PCDH15: variants seen among roughly 807,000 people sequenced by gnomAD.
PCDH15 encodes protocadherin-15.
In PCDH15, 129 loss-of-function variants were observed where a neutral mutation model predicts 178.5. The observed-to-expected ratio is 0.72, with a 90% CI of 0.63 to 0.84. PCDH15 has a LOEUF of 0.84. Among genes scored for constraint, PCDH15 ranks in the 40% least tolerant of loss-of-function variants. The pLI is 0.00. For missense variants in PCDH15, 2,230 were observed against 2,099.9 expected (o/e 1.06, Z -1.21); for synonymous variants, 800 against 732.0 (o/e 1.09, Z -1.50).
intron 1 of PCDH15, among the ~76,000 whole-genome samples, chr10:55,289,050 A>G (rs1307630556): frequency 6.6e-6 from 1 of 151,998 alleles, no homozygotes. Context: ...CCAACATAAA[A>G]CATAAAGTAC....
chr10:54,627,634 G>A (rs1383140365), intron 2 of PCDH15, among the ~76,000 whole-genome samples: 1 of 152,154 alleles, frequency 6.6e-6, no homozygotes, highest in Non-Finnish European at 1.5e-5. Flanking sequence ...TTTATCAGCA[G>A]TGTGAAAATG....
intron 2 of PCDH15, among the ~76,000 whole-genome samples, chr10:55,522,233 A>T (rs1314169632): frequency 6.6e-6 from 1 of 151,960 alleles, no homozygotes; most frequent in Non-Finnish European, 1.5e-5. Flanking sequence ...TTTTGATAAC[A>T]GTCATTCTAA....
At chr10:54,463,893 CAGAGA>C (rs2077354258) in intron 3 of PCDH15, among the ~76,000 whole-genome samples, 2 of 152,062 alleles carry the variant, frequency 1.3e-5, no homozygotes, top group African/African-American at 4.8e-5. Flanking sequence ...GGAAGAAACA[CAGAGA>C]AGAGGACATT....
At chr10:53,875,210 T>C (rs935499942) in intron 26 of PCDH15, among the ~76,000 whole-genome samples, 1 of 152,008 alleles carries the variant, frequency 6.6e-6, no homozygotes, top group African/African-American at 2.4e-5. Context: ...ACAGGATAAA[T>C]AACAAGTAAC....
At chr10:54,188,775 A>C (rs988469795) in intron 11 of PCDH15, among the ~76,000 whole-genome samples, 3 of 151,944 alleles carry the variant, frequency 2.0e-5, no homozygotes, top group Admixed American at 2.0e-4. Context: ...ATGGGAATAA[A>C]TATAGGATAT....
At chr10:54,150,605 T>G (rs1419342776) in intron 14 of PCDH15, among the ~76,000 whole-genome samples, 1 of 152,050 alleles carries the variant, frequency 6.6e-6, no homozygotes, top group African/African-American at 2.4e-5. Flanking sequence ...TGTTCTTTTT[T>G]TCTTGATTAG....
chr10:54,885,678 G>T (rs1954345759), intron 3 of PCDH15, among the ~76,000 whole-genome samples: 1 of 151,854 alleles, frequency 6.6e-6, no homozygotes, highest in East Asian at 1.9e-4. Flanking sequence ...TCATATTTGG[G>T]TAACTATAAG....
chr10:53,841,024 C>A (rs74622008), intron 28 of PCDH15, among the ~76,000 whole-genome samples: 4,819 of 152,100 alleles, frequency 0.032, 250 homozygotes, highest in African/African-American at 0.11. Context: ...AGGATTACCA[C>A]GTTAAGATAA....
At chr10:54,421,075 A>T (rs1404119341) in intron 3 of PCDH15, among the ~76,000 whole-genome samples, 1 of 152,084 alleles carries the variant, frequency 6.6e-6, no homozygotes, top group East Asian at 1.9e-4. Flanking sequence ...GTTACTTAAT[A>T]TTATGTTTTG....
chr10:54,021,126 A>G (rs1210911460), intron 19 of PCDH15, among the ~76,000 whole-genome samples: 1 of 152,120 alleles, frequency 6.6e-6, no homozygotes, highest in Non-Finnish European at 1.5e-5. Flanking sequence ...AAAATGTGAC[A>G]TGCTATCTAA....
At chr10:55,436,915 T>C (rs1333219115) in intron 2 of PCDH15, among the ~76,000 whole-genome samples, 1 of 152,210 alleles carries the variant, frequency 6.6e-6, no homozygotes, top group Non-Finnish European at 1.5e-5. Flanking sequence ...TAAAGGGTTA[T>C]CTTCTGTTAA....
chr10:54,938,060 G>T (rs1426413796), intron 2 of PCDH15, among the ~76,000 whole-genome samples: 1 of 152,006 alleles, frequency 6.6e-6, no homozygotes, highest in Non-Finnish European at 1.5e-5. Flanking sequence ...AAGAGTGTTA[G>T]ATTTTGTCAA....
chr10:54,433,757 G>A (rs2075179893), intron 3 of PCDH15, among the ~76,000 whole-genome samples: 1 of 152,140 alleles, frequency 6.6e-6, no homozygotes, highest in African/African-American at 2.4e-5. Context: ...AATTTTTCAT[G>A]AGGTGATTTT....
intron 2 of PCDH15, among the ~76,000 whole-genome samples, chr10:55,125,432 C>A (rs1208781522): frequency 6.6e-6 from 1 of 152,026 alleles, no homozygotes; most frequent in Non-Finnish European, 1.5e-5. Context: ...GATTTACCTC[C>A]CTTCTCTAAT....
chr10:55,325,031 TACA>T (rs1031354597), intron 2 of PCDH15, among the ~76,000 whole-genome samples: 6 of 152,000 alleles, frequency 3.9e-5, no homozygotes, highest in African/African-American at 1.5e-4. Context: ...AAGAAATCTC[TACA>T]ACAAGAATTA....
At chr10:55,331,175 T>C (rs1033747185) in intron 2 of PCDH15, among the ~76,000 whole-genome samples, 2 of 151,938 alleles carry the variant, frequency 1.3e-5, no homozygotes, top group African/African-American at 4.8e-5. Flanking sequence ...AAAAACAGTG[T>C]GTTAATAGTG....
chr10:54,080,153 C>T (rs1008519415), intron 16 of PCDH15, among the ~76,000 whole-genome samples: 13 of 151,974 alleles, frequency 8.6e-5, no homozygotes, highest in Non-Finnish European at 5.9e-5. Flanking sequence ...TTTGTGGCTA[C>T]ACTAACAATT....
At chr10:54,985,314 A>G (rs899912680) in intron 2 of PCDH15, among the ~76,000 whole-genome samples, 1 of 152,168 alleles carries the variant, frequency 6.6e-6, no homozygotes, top group African/African-American at 2.4e-5. Context: ...ATATACACAT[A>G]TATTCACATA....
chr10:54,189,311 A>T, intron 11 of PCDH15: 1 of 1,483,356 alleles, frequency 6.7e-7, no homozygotes, highest in South Asian at 1.2e-5. Flanking sequence ...ACAAGGAAAT[A>T]AACCACAGCA....
Sources: allele counts gnomAD v4.1 joint callset (sites outside exome capture counted in the v4.1 genomes callset), GRCh38; gene constraint gnomAD v4.1.1; transcripts MANE v1.5; gene names NCBI Gene and HGNC (gene_info 2026-07-23, HGNC 2026-07-21).